The following ADARB2 variants were observed in gnomAD, a reference collection of about 807,000 sequenced individuals.
ADARB2 encodes the protein inactive double-stranded RNA-specific editase B2.
In ADARB2, 25 loss-of-function variants were observed where a neutral mutation model predicts 62.2. That is an observed-to-expected ratio of 0.40 (90% CI 0.29 to 0.56). The LOEUF (loss-of-function observed/expected upper bound fraction) is 0.56, where lower values mean the gene tolerates loss of function less well. ADARB2 is among the 20% of genes least tolerant of loss of function. The pLI, the probability that ADARB2 is intolerant of heterozygous loss-of-function variation, is 0.43. For missense variants in ADARB2, 1,071 were observed against 1,077.4 expected, an observed-to-expected ratio of 0.99 and a Z score of 0.08; for synonymous variants, 572 against 500.8, an observed-to-expected ratio of 1.14 and a Z score of -1.90.
At position 1,214,494 on chromosome 10, in the gene ADARB2, C is replaced by T. The variant is rs189914772; in HGVS notation, c.1682+2457G>A. The stretch of plus-strand genomic sequence containing the variant: ...TTGCCCCTGTGCCTGGACCTTCTGG[C>T]GTTGTGTAGGTTTGCACCTGTACCC... On this transcript the variant is annotated intron_variant, in intron 7 of 9. Transcript: ENST00000381312. Among the ~76,000 whole-genome samples the T allele has an allele frequency of 1.2e-3, 177 of 147,686 alleles. 1 individual carries two copies. Among genetic ancestry groups the T allele is most frequent in the African/African-American group, 4.3e-3 (167 of 39,286 alleles).
intron 1 of ADARB2, among the ~76,000 whole-genome samples, chr10:1,493,318 T>C (rs986247985): frequency 6.6e-6 from 1 of 152,268 alleles, no homozygotes; most frequent in Non-Finnish European, 1.5e-5. Flanking sequence ...TTTTAAGTGC[T>C]AATTTGCAGT....
chr10:1,509,567 T>A (rs1195700756), intron 1 of ADARB2, among the ~76,000 whole-genome samples: 1 of 152,248 alleles, frequency 6.6e-6, no homozygotes, highest in Non-Finnish European at 1.5e-5. Flanking sequence ...GTCAAAATGC[T>A]GGATTCTGCA....
chr10:1,233,716 A>C lies in ADARB2; in HGVS notation c.1491T>G (p.Ser497=). 1 of 1,613,566 alleles carries C rather than the reference A, an allele frequency of 6.2e-7. No individual in the cohort carries two copies. Among genetic ancestry groups the C allele is most frequent in the Non-Finnish European group, 8.5e-7 (1 of 1,179,810 alleles). Residue 497 remains serine (S), a synonymous_variant, in exon 6 of 10, where the codon TCT becomes TCG. Coordinates refer to ENST00000381312, the MANE Select transcript of ADARB2 (RefSeq NM_018702.4). The stretch of plus-strand genomic sequence containing the variant: ...TACGGTCTGTGGTGATCTCGTAGGG[A>C]GAGTGGAGTCTTGCGTCTCCACAGG... ...TSPCGDARLH[S]PYEITTDLHS...
At position 1,408,291 on chromosome 10, in the gene ADARB2, C is replaced by T. The variant is rs188611832; in HGVS notation, c.101-29131G>A. On this transcript the variant is annotated intron_variant, in intron 1 of 9. Coordinates refer to ENST00000381312, the MANE Select transcript of ADARB2 (RefSeq NM_018702.4). Reference sequence around the variant, plus strand: ...ATTCCAATGAAAATATATCCCACAGCATGGTCGACCATTCCCAGATTGCTG... The same window carrying T: ...ATTCCAATGAAAATATATCCCACAGTATGGTCGACCATTCCCAGATTGCTG... 1.7e-3 allele frequency among the ~76,000 whole-genome samples: 266 copies of T among 152,316 alleles called. 2 individuals carry two copies. The highest frequency in any genetic ancestry group is 6.1e-3 in the African/African-American group (254 of 41,560).
chr10:1,666,985 G>A (rs1834324720), intron 1 of ADARB2, among the ~76,000 whole-genome samples: 1 of 152,078 alleles, frequency 6.6e-6, no homozygotes, highest in Non-Finnish European at 1.5e-5. Context: ...GACCCCTGAT[G>A]TAATCTACTA....
chr10:1,235,176 G>C (rs967359996), intron 5 of ADARB2, among the ~76,000 whole-genome samples: 2 of 149,746 alleles, frequency 1.3e-5, no homozygotes, highest in African/African-American at 2.5e-5. Context: ...CTGTGGGTTT[G>C]ACGTAGCCTG....
At chr10:1,401,768 G>A (rs1832665601) in intron 1 of ADARB2, among the ~76,000 whole-genome samples, 1 of 152,150 alleles carries the variant, frequency 6.6e-6, no homozygotes, top group Non-Finnish European at 1.5e-5. Context: ...ATGAGCCACT[G>A]AGCAAGCAGT....
chr10:1,305,145 A>G (rs1369249700), intron 3 of ADARB2, among the ~76,000 whole-genome samples: 1 of 145,948 alleles, frequency 6.9e-6, no homozygotes, highest in Non-Finnish European at 1.5e-5. Context: ...CAAAATTGAT[A>G]GACCACTAGC....
intron 1 of ADARB2, among the ~76,000 whole-genome samples, chr10:1,405,298 G>A (rs1832698124): frequency 6.6e-6 from 1 of 152,176 alleles, no homozygotes; most frequent in African/African-American, 2.4e-5. Flanking sequence ...GGGGTCTTCT[G>A]AGCTACCTAC....
chr10:1,302,286 C>G (rs4880817), intron 3 of ADARB2, among the ~76,000 whole-genome samples: 70,390 of 150,246 alleles, frequency 0.47, 17,822 homozygotes, highest in East Asian at 0.8. Context: ...CTGGAAAATC[C>G]GGTCACTCCC....
intron 1 of ADARB2, among the ~76,000 whole-genome samples, chr10:1,522,374 G>A (rs545677426): frequency 2.6e-5 from 4 of 152,282 alleles, no homozygotes; most frequent in Admixed American, 2.6e-4. Context: ...GAGGTGGAAG[G>A]CAGGAAAATT....
chr10:1,484,888 G>A (rs2131927313), intron 1 of ADARB2, among the ~76,000 whole-genome samples: 1 of 152,260 alleles, frequency 6.6e-6, no homozygotes, highest in African/African-American at 2.4e-5. Flanking sequence ...CTATGTAGGT[G>A]GATTTGTAGG....
chr10:1,549,049 A>C (rs1421631726), intron 1 of ADARB2, among the ~76,000 whole-genome samples: 4 of 152,154 alleles, frequency 2.6e-5, no homozygotes, highest in Non-Finnish European at 5.9e-5. Context: ...GAGAGGGAGA[A>C]TCTGAAGACG....
Position 1,693,699 on chromosome 10 carries a change from T to C in ADARB2, c.100+43352A>G, listed in dbSNP as rs112943556. Reference sequence around the variant, plus strand: ...ATGTGTCAGCTTCAATATAGTGATATTGCCTTGTTTATAATACTAACCTAA... The same window carrying C: ...ATGTGTCAGCTTCAATATAGTGATACTGCCTTGTTTATAATACTAACCTAA... On this transcript the variant is annotated intron_variant, in intron 1 of 9. Transcript: ENST00000381312. 4.6e-5 allele frequency among the ~76,000 whole-genome samples: 7 copies of C among 152,362 alleles called. 1 individual carries two copies. The highest frequency in any genetic ancestry group is 1.7e-4 in the African/African-American group (7 of 41,594).
chr10:1,530,558 C>G (rs769681074), intron 1 of ADARB2, among the ~76,000 whole-genome samples: 1 of 152,230 alleles, frequency 6.6e-6, no homozygotes, highest in Admixed American at 6.5e-5. Context: ...GCTCTTCATG[C>G]GGAGCCTGAG....
At chr10:1,259,703 C>G (rs1831115332) in intron 4 of ADARB2, among the ~76,000 whole-genome samples, 1 of 152,196 alleles carries the variant, frequency 6.6e-6, no homozygotes, top group Admixed American at 6.5e-5. Context: ...GGATTCACAG[C>G]CGAATTCTAC....
chr10:1,550,193 A>G (rs1352360073), intron 1 of ADARB2, among the ~76,000 whole-genome samples: 1 of 152,078 alleles, frequency 6.6e-6, no homozygotes, highest in Non-Finnish European at 1.5e-5. Context: ...CACCTGCTCC[A>G]CTGTACTCGG....
chr10:1,637,474 G>A (rs924748820), intron 1 of ADARB2, among the ~76,000 whole-genome samples: 2 of 152,242 alleles, frequency 1.3e-5, no homozygotes, highest in South Asian at 4.1e-4. Context: ...AGATGGCAAG[G>A]GTTTTTGTCT....
intron 1 of ADARB2, among the ~76,000 whole-genome samples, chr10:1,474,633 A>G (rs527420176): frequency 1.3e-5 from 2 of 152,242 alleles, no homozygotes; most frequent in South Asian, 2.1e-4. Flanking sequence ...CTCAGCCTCC[A>G]TTTGCTGAGT....
Sources: allele counts gnomAD v4.1 joint callset (sites outside exome capture counted in the v4.1 genomes callset), GRCh38; gene constraint gnomAD v4.1.1; transcripts MANE v1.5; gene names NCBI Gene and HGNC (gene_info 2026-07-23, HGNC 2026-07-21).